RSBN1: variants seen among roughly 807,000 people sequenced by gnomAD.
The protein encoded by RSBN1 is round spermatid basic protein 1.
RSBN1 carries 23 observed loss-of-function variants against 74.8 expected under a neutral mutation model. That is an observed-to-expected ratio of 0.31 (90% CI 0.22 to 0.44). RSBN1 has a LOEUF of 0.44. RSBN1 is among the 20% of genes least tolerant of loss of function. RSBN1 has a pLI of 1.00. For synonymous variants in RSBN1, 407 were observed against 379.6 expected, an observed-to-expected ratio of 1.07 and a Z score of -0.84; for missense variants, 808 against 1,020.9, an observed-to-expected ratio of 0.79 and a Z score of 2.84.
Position 113,767,161 on chromosome 1 carries a change from C to T in RSBN1, c.1873G>A (p.Glu625Lys). The change falls in exon 6 of 7, where the codon GAG becomes AAG. Residue 625 changes from glutamate to lysine, a missense_variant. This residue lies in a region of RSBN1 where 38 missense variants were observed against 120.6 expected (regional missense o/e 0.32). Coordinates refer to ENST00000261441, the MANE Select transcript of RSBN1 (RefSeq NM_018364.5). The part of the protein sequence containing the change: ...ITKDVICFHA[E>K]DFTDVVQRLQ... ...CTTTGTACAACATCAGTAAAATCCTCAGCATGAAAACAAATCACATCTTTG... is the reference window on the plus strand; with the variant it reads ...CTTTGTACAACATCAGTAAAATCCTTAGCATGAAAACAAATCACATCTTTG... The T allele has an allele frequency of 6.2e-7, 1 of 1,612,210 alleles. No homozygotes were observed. Among genetic ancestry groups the T allele is most frequent in the Non-Finnish European group, 8.5e-7 (1 of 1,179,074 alleles).
At position 113,780,603 on chromosome 1, in the gene RSBN1, A is replaced by T. The variant is rs554334979; in HGVS notation, c.1378-2795T>A. ...TGACCACAAAATATAGCGACCTCAT[A>T]ATTTCGCCAAGACCAACATGTTTAT... On this transcript the variant is annotated intron_variant, in intron 2 of 6. Transcript: ENST00000261441. Among the ~76,000 whole-genome samples, 3 of 152,370 alleles carry T rather than the reference A, an allele frequency of 2.0e-5. No homozygotes were observed. In the East Asian group the frequency reaches 5.8e-4, roughly 29 times the overall value.
chr1:113,784,574 G>A (rs1660200180), intron 2 of RSBN1, among the ~76,000 whole-genome samples: 1 of 152,158 alleles, frequency 6.6e-6, no homozygotes, highest in Admixed American at 6.5e-5. Flanking sequence ...ATTCTCATAA[G>A]AAGTGTGCAA....
Position 113,765,750 on chromosome 1 carries a change from A to C in RSBN1, c.*230T>G. ...ATTGTTACCTCACACCTTAAAACAGAAAGTAGCAGCAGACCCACTATTACA... is the reference window on the plus strand; with the variant it reads ...ATTGTTACCTCACACCTTAAAACAGCAAGTAGCAGCAGACCCACTATTACA... On this transcript the variant is annotated 3_prime_UTR_variant, in exon 7 of 7. Transcript: ENST00000261441. The C allele has an allele frequency of 2.4e-6, 1 of 416,072 alleles. No homozygotes were observed. The highest frequency in any genetic ancestry group is 3.4e-5 in the East Asian group (1 of 29,166). The allele number at this position is 416,072 out of a possible 1,614,324, so 25.8% of individuals were successfully genotyped here. A position where few individuals can be genotyped will look rare whatever the true frequency, so the allele number is the denominator to read the frequency against.
chr1:113,798,834 C>T (rs1660524532), intron 1 of RSBN1, among the ~76,000 whole-genome samples: 1 of 152,148 alleles, frequency 6.6e-6, no homozygotes, highest in African/African-American at 2.4e-5. Flanking sequence ...AAACACTACT[C>T]AGCCATTGTA....
At chr1:113,766,514 T>G in intron 6 of RSBN1, 61 bp from the exon 7 acceptor site, 1 of 1,108,650 alleles carries the variant, frequency 9.0e-7, no homozygotes, top group East Asian at 2.4e-5. Flanking sequence ...TCAAGTGAAA[T>G]AATTAGCAAA....
intron 4 of RSBN1, among the ~76,000 whole-genome samples, chr1:113,774,709 A>G (rs2101796312): frequency 6.6e-6 from 1 of 151,164 alleles, no homozygotes; most frequent in South Asian, 2.1e-4. Context: ...AAAAACAACT[A>G]GCCAGGCATG....
At chr1:113,804,907 TA>T (rs11406398) in intron 1 of RSBN1, among the ~76,000 whole-genome samples, 121 of 131,420 alleles carry the variant, frequency 9.2e-4, no homozygotes, top group Admixed American at 1.4e-3. Context: ...TGGTCAAGAG[TA>T]AAAAAAAAAA....
chr1:113,790,372 T>A (rs889750195), intron 2 of RSBN1, among the ~76,000 whole-genome samples: 6 of 152,114 alleles, frequency 3.9e-5, no homozygotes, highest in African/African-American at 1.4e-4. Context: ...TTGACAACAG[T>A]TTTTTAAAAA....
rs1659876053 is a variant in RSBN1 at position 113,770,984 on chromosome 1, T to C, written c.1659-2595A>G. Among the ~76,000 whole-genome samples the C allele has an allele frequency of 2.0e-5, 3 of 151,958 alleles. No homozygotes were observed. In the South Asian group the frequency reaches 6.3e-4, roughly 32 times the overall value. ...CAAACCAATTAAGTAAGAAAAATTA[T>C]CAGAAAGGAAAGGAGACATGAATCT... On this transcript the variant is annotated intron_variant, in intron 4 of 6. Transcript: ENST00000261441.
At chr1:113,771,699 C>T (rs559891094) in intron 4 of RSBN1, among the ~76,000 whole-genome samples, 1 of 149,196 alleles carries the variant, frequency 6.7e-6, no homozygotes, top group East Asian at 2.0e-4. Context: ...TGTACCTTAA[C>T]TCTAACCCTA....
intron 2 of RSBN1, among the ~76,000 whole-genome samples, chr1:113,789,866 T>G (rs930965461): frequency 5.9e-5 from 9 of 152,182 alleles, no homozygotes; most frequent in African/African-American, 2.2e-4. Context: ...TGGTTAAAAT[T>G]AATGTAGAGT....
In RSBN1 at chr1:113,812,114, C is replaced by G. The variant is rs766529344; in HGVS notation, c.299G>C (p.Arg100Pro). Residue 100 changes from arginine to proline, a missense_variant, in exon 1 of 7, where the codon CGG (arginine) becomes CCG (proline). Around this residue, in one of 6 missense-constraint regions of RSBN1, gnomAD observed 464 missense variants for 401.0 expected, o/e 1.16. Coordinates refer to ENST00000261441, the MANE Select transcript of RSBN1 (RefSeq NM_018364.5). ...AGGGGGCTCCTGGCTCGGCCGCCCC[C>G]GCTTCTCCTGAGACCCCCCACTGCT... ...RSSSGGSQEK[R>P]GRPSQEPPLA... The G allele has an allele frequency of 6.2e-7, 1 of 1,602,522 alleles. No homozygotes were observed. The highest frequency in any genetic ancestry group is 8.5e-7 in the Non-Finnish European group (1 of 1,175,154).
intron 1 of RSBN1, among the ~76,000 whole-genome samples, chr1:113,807,676 G>A (rs532358697): frequency 7.4e-4 from 113 of 151,690 alleles, no homozygotes; most frequent in African/African-American, 2.6e-3. Context: ...CAGGAGAATC[G>A]CTTGAACCCG....
intron 2 of RSBN1, among the ~76,000 whole-genome samples, chr1:113,791,220 G>C (rs1003258181): frequency 1.3e-5 from 2 of 152,036 alleles, no homozygotes; most frequent in African/African-American, 4.8e-5. Flanking sequence ...GCATCAAAGA[G>C]AAATATGCCT....
intron 1 of RSBN1, among the ~76,000 whole-genome samples, chr1:113,805,143 T>C (rs1404410076): frequency 1.3e-5 from 2 of 151,446 alleles, no homozygotes; most frequent in Non-Finnish European, 2.9e-5. Flanking sequence ...TGAAACGGAG[T>C]CTGACTCTGT....
At position 113,771,853 on chromosome 1, in the gene RSBN1, G is replaced by GA. The variant is rs554828624; in HGVS notation, c.1659-3465dup. ...AAAGGAGGGTAATCAGAAACTGCAG[G>GA]AAAAACAGAACACTTTTTTATGTTC... On this transcript the variant is annotated intron_variant, in intron 4 of 6. Transcript: ENST00000261441. 2.2e-4 allele frequency among the ~76,000 whole-genome samples: 32 copies of GA among 147,470 alleles called. No individual in the cohort carries two copies. In the South Asian group the frequency reaches 3.6e-3, roughly 17 times the overall value.
At chr1:113,797,209 A>G (rs1660489605) in intron 2 of RSBN1, among the ~76,000 whole-genome samples, 154 bp downstream of exon 2, 1 of 152,188 alleles carries the variant, frequency 6.6e-6, no homozygotes, top group Admixed American at 6.5e-5. Context: ...AGTAATTAAG[A>G]TTTTTCAATT....
intron 2 of RSBN1, among the ~76,000 whole-genome samples, chr1:113,786,400 G>T (rs1462369797): frequency 6.6e-6 from 1 of 152,174 alleles, no homozygotes; most frequent in Non-Finnish European, 1.5e-5. Context: ...CTCTGCAGAT[G>T]TGAATAAATT....
At chr1:113,767,077 G>T in intron 6 of RSBN1, 22 bp downstream of exon 6, 1 of 1,349,398 alleles carries the variant, frequency 7.4e-7, no homozygotes, top group Non-Finnish European at 1.1e-6. Context: ...ATCGCAAATG[G>T]TGATAAAACA....
Sources: allele counts gnomAD v4.1 joint callset (sites outside exome capture counted in the v4.1 genomes callset), GRCh38; gene constraint gnomAD v4.1.1; regional missense constraint gnomAD v4.1.1; transcripts MANE v1.5; gene names NCBI Gene and HGNC (gene_info 2026-07-23, HGNC 2026-07-21).